The following ATXN10 variants were observed in gnomAD, a reference collection of about 807,000 sequenced individuals.
ATXN10 encodes the protein ataxin-10.
A neutral mutation model predicts 52.9 loss-of-function variants in ATXN10; 28 were observed. That is an observed-to-expected ratio of 0.53 (90% confidence interval 0.39 to 0.73). ATXN10 has a LOEUF of 0.73. Ranked by LOEUF, ATXN10 falls within the 30% of genes least tolerant of loss-of-function variation. ATXN10 has a pLI of 0.00. For synonymous variants in ATXN10, 226 were observed against 221.5 expected (o/e 1.02, Z -0.18); for missense variants, 565 against 577.0 (o/e 0.98, Z 0.21).
Position 45,678,787 on chromosome 22 carries a change from T to TA in ATXN10, c.116+6609dup, listed in dbSNP as rs1427940178. ...ATTCATTGACTCACACCACACATGA[T>TA]ACATGTAAGATCTGTGCTTAGTGCT... On this transcript the variant is annotated intron_variant, in intron 1 of 11. Transcript: ENST00000252934. The surrounding 1 kb of genome is among the most constrained non-coding windows in gnomAD (Gnocchi z 4.1). 6.6e-6 allele frequency: 1 copy of TA among 152,216 alleles called. No homozygotes were observed. The highest frequency in any genetic ancestry group is 1.5e-5 in the Non-Finnish European group (1 of 68,034). 9.4% of individuals were successfully genotyped at this position (152,216 alleles called of 1,614,324 possible). A position where few individuals can be genotyped will look rare whatever the true frequency, so the allele number is the denominator to read the frequency against.
chr22:45,747,614 C>G (rs1428648952), intron 9 of ATXN10, among the ~76,000 whole-genome samples: 1 of 152,176 alleles, frequency 6.6e-6, no homozygotes, highest in Non-Finnish European at 1.5e-5. Flanking sequence ...ATAGAGGAAC[C>G]TTACAACAGG....
Position 45,835,491 on chromosome 22 carries a change from A to G in ATXN10, c.1238-7500A>G, listed in dbSNP as rs557363025. 3.9e-5 allele frequency among the ~76,000 whole-genome samples: 6 copies of G among 152,322 alleles called. No individual in the cohort carries two copies. In the East Asian group the frequency reaches 1.2e-3, roughly 29 times the overall value. On this transcript the variant is annotated intron_variant, in intron 10 of 11. Transcript: ENST00000252934. This position sits in a 1 kb window ranked among gnomAD's most constrained non-coding sequence, Gnocchi z 5.0. ...TCCCTTTGCAATTTATGGAAAGTAC[A>G]TTGTGCCAAGCAAGGACAGTGAATG...
intron 9 of ATXN10, among the ~76,000 whole-genome samples, chr22:45,804,259 A>G (rs1928026553): frequency 6.6e-6 from 1 of 152,200 alleles, no homozygotes; most frequent in African/African-American, 2.4e-5. Flanking sequence ...TCACTTTTTT[A>G]TCTGTAAAAG....
At position 45,701,673 on chromosome 22, in the gene ATXN10, A is replaced by G. The variant is rs1379047149; in HGVS notation, c.489-1016A>G. ...TAATATCTGCCAGGTTTTGGGATAG[A>G]TGATTAGAATGTGGTGGTAACTTAT... On this transcript the variant is annotated intron_variant, in intron 4 of 11. Coordinates refer to ENST00000252934, the MANE Select transcript of ATXN10 (RefSeq NM_013236.4). This position sits in a 1 kb window ranked among gnomAD's most constrained non-coding sequence, Gnocchi z 4.2. 6.6e-6 allele frequency among the ~76,000 whole-genome samples: 1 copy of G among 152,202 alleles called. No individual in the cohort carries two copies. Among genetic ancestry groups the G allele is most frequent in the African/African-American group, 2.4e-5 (1 of 41,454 alleles).
chr22:45,697,236 G>A (rs1000765199), intron 3 of ATXN10, among the ~76,000 whole-genome samples: 2 of 151,864 alleles, frequency 1.3e-5, no homozygotes, highest in Admixed American at 6.6e-5. Context: ...CCAGGTTCAA[G>A]CAATTCTCCT....
intron 6 of ATXN10, among the ~76,000 whole-genome samples, chr22:45,722,723 T>G (rs1286061958): frequency 1.3e-5 from 2 of 151,880 alleles, no homozygotes; most frequent in Non-Finnish European, 2.9e-5. Context: ...ACCCCCGGAG[T>G]CTCCTGTTGC....
At chr22:45,785,495 AGAT>A (rs1569063785) in intron 9 of ATXN10, among the ~76,000 whole-genome samples, 1 of 152,246 alleles carries the variant, frequency 6.6e-6, no homozygotes, top group Non-Finnish European at 1.5e-5. Flanking sequence ...TACAAATAAA[AGAT>A]GATATTAAAT....
At chr22:45,729,692 A>G (rs1569039759) in intron 7 of ATXN10, 102 bp downstream of exon 7, 2 of 1,281,240 alleles carry the variant, frequency 1.6e-6, no homozygotes, top group East Asian at 2.5e-5. Context: ...GCTTTAAAAA[A>G]TATTATGTAA....
chr22:45,747,764 A>C (rs1925789489), intron 9 of ATXN10, among the ~76,000 whole-genome samples: 1 of 151,918 alleles, frequency 6.6e-6, no homozygotes, highest in African/African-American at 2.4e-5. Context: ...GGGCAGTTAC[A>C]CCTCCTTGTG....
intron 9 of ATXN10, 110 bp from the exon 10 acceptor site, chr22:45,806,849 A>G (rs1928115383): frequency 1.2e-6 from 1 of 845,150 alleles, no homozygotes; most frequent in Non-Finnish European, 2.0e-6. Context: ...ATAATAGTGC[A>G]AACAATATTA....
At chr22:45,829,996 A>G (rs1016875040) in intron 10 of ATXN10, among the ~76,000 whole-genome samples, 24 of 152,226 alleles carry the variant, frequency 1.6e-4, no homozygotes, top group African/African-American at 5.3e-4. Flanking sequence ...AATCAAAACA[A>G]TGTGGTACTG....
rs1442141254 is a variant in ATXN10 at position 45,702,801 on chromosome 22, A to G, written c.601A>G (p.Ile201Val). The G allele has an allele frequency of 3.1e-6, 5 of 1,614,022 alleles. 1 individual carries two copies. The highest frequency in any genetic ancestry group is 2.2e-5 in the South Asian group (2 of 91,078). Reference protein sequence around the residue: ...KELEENLNIAIDVIDAYQKHP... With the variant: ...KELEENLNIAVDVIDAYQKHP... The stretch of plus-strand genomic sequence containing the variant: ...ACTGGAGGAGAACCTCAATATTGCA[A>G]TTGATGTCATAGATGCTTACCAAAA... The change falls in exon 5 of 12, where the codon ATT becomes GTT. Residue 201 changes from isoleucine (I) to valine (V), a missense_variant. Ile to Val is a conservative substitution (Grantham distance 29, BLOSUM62 3). Coordinates refer to ENST00000252934, the MANE Select transcript of ATXN10 (RefSeq NM_013236.4).
At chr22:45,687,614 C>G (rs941683982) in intron 1 of ATXN10, among the ~76,000 whole-genome samples, 1 of 152,190 alleles carries the variant, frequency 6.6e-6, no homozygotes, top group Non-Finnish European at 1.5e-5. Flanking sequence ...AAACTTCATG[C>G]AGATGGGGCA....
intron 10 of ATXN10, among the ~76,000 whole-genome samples, chr22:45,838,749 A>C (rs1929249802): frequency 6.6e-6 from 1 of 152,176 alleles, no homozygotes; most frequent in South Asian, 2.1e-4. Flanking sequence ...AGGGCTGTGG[A>C]CCAGACACGC....
rs1016320081 is a variant in ATXN10, at chr22:45,833,884, G to A, written c.1238-9107G>A. ...ATACGGCATCGCGATCAGGGGAGCG[G>A]ATGCCAGAGCCTGACTGCCTACTTC... On this transcript the variant is annotated intron_variant, in intron 10 of 11. Transcript: ENST00000252934. The surrounding 1 kb of genome is among the most constrained non-coding windows in gnomAD (Gnocchi z 4.3). Among the ~76,000 whole-genome samples the A allele has an allele frequency of 2.0e-5, 3 of 152,162 alleles. No individual in the cohort carries two copies. Among genetic ancestry groups the A allele is most frequent in the Admixed American group, 1.3e-4 (2 of 15,282 alleles).
At position 45,729,412 on chromosome 22, in the gene ATXN10, T is replaced by G; in HGVS notation, c.729-13T>G. On this transcript the variant is annotated splice_polypyrimidine_tract_variant and intron_variant, in intron 6 of 11. Coordinates refer to ENST00000252934, the MANE Select transcript of ATXN10 (RefSeq NM_013236.4). ...TATTATAGATTCATGCAGAAATCCTTTATGTTTTACAGAGTTACACTGTTA... is the reference window on the plus strand; with the variant it reads ...TATTATAGATTCATGCAGAAATCCTGTATGTTTTACAGAGTTACACTGTTA... The G allele has an allele frequency of 6.2e-7, 1 of 1,613,816 alleles. No individual in the cohort carries two copies. The highest frequency in any genetic ancestry group is 8.5e-7 in the Non-Finnish European group (1 of 1,179,714).
rs1277239505 is a variant in ATXN10, at chr22:45,759,619, C to T, written c.1173+19081C>T. On this transcript the variant is annotated intron_variant, in intron 9 of 11. Coordinates refer to ENST00000252934, the MANE Select transcript of ATXN10 (RefSeq NM_013236.4). This position sits in a 1 kb window ranked among gnomAD's most constrained non-coding sequence, Gnocchi z 5.4. The stretch of plus-strand genomic sequence containing the variant: ...GCCTCCTGAGGGAGCTGAGGCTGCA[C>T]GAGGATGAGCAAGGTTTCATAATGT... Among the ~76,000 whole-genome samples the T allele has an allele frequency of 6.6e-6, 1 of 152,084 alleles. No individual in the cohort carries two copies. The highest frequency in any genetic ancestry group is 2.4e-5 in the African/African-American group (1 of 41,406).
At chr22:45,714,713 T>G (rs1042795364) in intron 5 of ATXN10, among the ~76,000 whole-genome samples, 1 of 152,166 alleles carries the variant, frequency 6.6e-6, no homozygotes, top group South Asian at 2.1e-4. Flanking sequence ...AAGTTTTTGA[T>G]TTTTTTAGTA....
chr22:45,737,913 G>C (rs578041865), intron 7 of ATXN10, among the ~76,000 whole-genome samples: 1 of 152,016 alleles, frequency 6.6e-6, no homozygotes, highest in African/African-American at 2.4e-5. Flanking sequence ...ATATTGACCA[G>C]GCTGATCTTG....
Sources: gnomAD v4.1 joint callset for allele counts (sites outside exome capture counted in the v4.1 genomes callset) on GRCh38, gnomAD v4.1.1 for gene constraint, Gnocchi (gnomAD v3.1) non-coding constraint, MANE v1.5 for transcripts, NCBI Gene and HGNC (gene_info 2026-07-23, HGNC 2026-07-21) for gene names.